CTNNA3: variants seen among roughly 807,000 people sequenced by gnomAD.
CTNNA3 encodes the protein catenin alpha-3.
CTNNA3 carries 76 observed loss-of-function variants against 95.7 expected under a neutral mutation model. The observed-to-expected ratio is 0.79, with a 90% confidence interval of 0.66 to 0.96. The LOEUF (loss-of-function observed/expected upper bound fraction) is 0.96, where lower values mean the gene tolerates loss of function less well. Among genes scored for constraint, CTNNA3 ranks in the 40% least tolerant of loss-of-function variants. The pLI is 0.00. For synonymous variants in CTNNA3, 431 were observed against 374.4 expected, an observed-to-expected ratio of 1.15 and a Z score of -1.74; for missense variants, 1,191 against 1,089.8, an observed-to-expected ratio of 1.09 and a Z score of -1.31.
At chr10:66,057,471 G>T (rs1301571876) in intron 15 of CTNNA3, among the ~76,000 whole-genome samples, 1 of 152,118 alleles carries the variant, frequency 6.6e-6, no homozygotes, top group Non-Finnish European at 1.5e-5. Flanking sequence ...TATTTAAGCT[G>T]AATGTTTGCT....
At chr10:66,741,926 G>A (rs1849338816) in intron 9 of CTNNA3, among the ~76,000 whole-genome samples, 1 of 152,056 alleles carries the variant, frequency 6.6e-6, no homozygotes, top group Non-Finnish European at 1.5e-5. Context: ...GTCGCCTCAG[G>A]ACCCTGTGAT....
intron 5 of CTNNA3, among the ~76,000 whole-genome samples, chr10:67,428,914 C>A (rs950844317): frequency 1.3e-5 from 2 of 151,958 alleles, no homozygotes; most frequent in African/African-American, 4.8e-5. Context: ...CCTCAGCTTG[C>A]AGACAGGACC....
chr10:66,107,843 AT>A, intron 13 of CTNNA3, among the ~76,000 whole-genome samples: 1 of 152,248 alleles, frequency 6.6e-6, no homozygotes, highest in African/African-American at 2.4e-5. Context: ...TAAAAAAGAA[AT>A]AAAAAGTATT....
intron 3 of CTNNA3, among the ~76,000 whole-genome samples, chr10:67,593,782 C>T (rs1176671862): frequency 1.3e-5 from 2 of 152,030 alleles, no homozygotes; most frequent in Non-Finnish European, 2.9e-5. Context: ...CTGGCTAGGA[C>T]TTCCAGTACT....
At chr10:66,318,276 A>ATATATATATATGTGTGTG (rs33943741) in intron 12 of CTNNA3, among the ~76,000 whole-genome samples, 1 of 136,602 alleles carries the variant, frequency 7.3e-6, no homozygotes, top group South Asian at 2.4e-4. Flanking sequence ...ATATATATAT[A>ATATATATATATGTGTGTG]TGTGTGTGTG....
chr10:66,669,026 T>C (rs1364105002), intron 9 of CTNNA3, among the ~76,000 whole-genome samples: 1 of 152,066 alleles, frequency 6.6e-6, no homozygotes, highest in African/African-American at 2.4e-5. Context: ...ACTGAATATA[T>C]ATGTTCCAAT....
intron 11 of CTNNA3, among the ~76,000 whole-genome samples, chr10:66,438,702 T>G (rs77735912): frequency 0.01 from 1,563 of 152,194 alleles, 33 homozygotes; most frequent in African/African-American, 0.036. Flanking sequence ...GCGGAGTAAA[T>G]GGTTCTGTCT....
intron 7 of CTNNA3, among the ~76,000 whole-genome samples, chr10:67,092,759 T>C (rs1039978626): frequency 1.3e-5 from 2 of 152,022 alleles, no homozygotes; most frequent in African/African-American, 4.8e-5. Context: ...GAAAGGTACA[T>C]AGCATTGATG....
At chr10:66,534,498 ATATG>A (rs1841584328) in intron 10 of CTNNA3, among the ~76,000 whole-genome samples, 1 of 77,344 alleles carries the variant, frequency 1.3e-5, no homozygotes, top group African/African-American at 4.7e-5. Flanking sequence ...ATATATATAT[ATATG>A]TATATATATG....
chr10:67,192,894 T>C (rs1393401697), intron 6 of CTNNA3, among the ~76,000 whole-genome samples: 1 of 151,994 alleles, frequency 6.6e-6, no homozygotes, highest in Non-Finnish European at 1.5e-5. Context: ...TATATATGTA[T>C]ATATACAACC....
intron 6 of CTNNA3, among the ~76,000 whole-genome samples, chr10:67,209,330 T>A (rs902941414): frequency 6.6e-6 from 1 of 152,172 alleles, no homozygotes; most frequent in Non-Finnish European, 1.5e-5. Context: ...ATTATAAGCA[T>A]GAGCCACCGC....
intron 5 of CTNNA3, among the ~76,000 whole-genome samples, chr10:67,480,022 A>C (rs1488786234): frequency 2.0e-5 from 3 of 152,074 alleles, no homozygotes; most frequent in African/African-American, 4.8e-5. Flanking sequence ...CAACCTACCA[A>C]GATTGAATCG....
chr10:67,418,884 G>A (rs1312678688), intron 5 of CTNNA3, among the ~76,000 whole-genome samples: 1 of 152,146 alleles, frequency 6.6e-6, no homozygotes, highest in Non-Finnish European at 1.5e-5. Context: ...ATAAATATAT[G>A]AGGTAATGAA....
At chr10:67,450,718 A>C (rs1846947897) in intron 5 of CTNNA3, among the ~76,000 whole-genome samples, 1 of 152,126 alleles carries the variant, frequency 6.6e-6, no homozygotes, top group African/African-American at 2.4e-5. Flanking sequence ...TAGTCTGTAC[A>C]ACAAACCACT....
chr10:66,658,342 T>C (rs1846141740), intron 9 of CTNNA3, among the ~76,000 whole-genome samples: 1 of 152,082 alleles, frequency 6.6e-6, no homozygotes, highest in African/African-American at 2.4e-5. Flanking sequence ...AATCTTGTTT[T>C]TATGAGACAC....
chr10:66,013,803 T>C (rs2133400146), intron 15 of CTNNA3, among the ~76,000 whole-genome samples: 1 of 152,300 alleles, frequency 6.6e-6, no homozygotes, highest in African/African-American at 2.4e-5. Context: ...GACAGGTGTT[T>C]ATTAATATGG....
At chr10:66,098,522 T>C (rs2081491222) in intron 14 of CTNNA3, 1 of 152,234 alleles carries the variant, frequency 6.6e-6, no homozygotes, top group East Asian at 1.9e-4. Context: ...CACTGCTCTG[T>C]TTAAATAGAA....
chr10:66,145,743 T>A (rs182703195), intron 13 of CTNNA3, among the ~76,000 whole-genome samples: 35 of 152,286 alleles, frequency 2.3e-4, no homozygotes, highest in African/African-American at 8.4e-4. Flanking sequence ...TCATTAAGTG[T>A]TTTTTATTTT....
chr10:67,227,763 G>C (rs960108425), intron 5 of CTNNA3, among the ~76,000 whole-genome samples: 1 of 152,074 alleles, frequency 6.6e-6, no homozygotes, highest in Non-Finnish European at 1.5e-5. Flanking sequence ...AACAGCACAT[G>C]GAACTTTCTC....
Sources: allele counts gnomAD v4.1 joint callset (sites outside exome capture counted in the v4.1 genomes callset), GRCh38; gene constraint gnomAD v4.1.1; transcripts MANE v1.5; gene names NCBI Gene and HGNC (gene_info 2026-07-23, HGNC 2026-07-21).